The following STARD13 variants were observed in gnomAD, a reference collection of about 807,000 sequenced individuals.
STARD13 encodes the protein stAR-related lipid transfer protein 13.
STARD13 carries 62 observed loss-of-function variants against 106.4 expected under a neutral mutation model. That is an observed-to-expected ratio of 0.58 (90% CI 0.48 to 0.72). The LOEUF is 0.72. STARD13 is among the 30% of genes least tolerant of loss of function. The probability of loss-of-function intolerance (pLI) is 0.00; values close to 1 mark genes in which losing one functional copy is unlikely to be tolerated. For missense variants in STARD13, 1,387 were observed against 1,424.0 expected, an observed-to-expected ratio of 0.97 and a Z score of 0.42; for synonymous variants, 565 against 553.0, an observed-to-expected ratio of 1.02 and a Z score of -0.31.
intron 3 of STARD13, among the ~76,000 whole-genome samples, chr13:33,155,865 A>T (rs376121349): frequency 1.7e-4 from 26 of 152,196 alleles, no homozygotes; most frequent in South Asian, 6.2e-4. Context: ...CCCACTTCCT[A>T]GTGGAAAGGA....
chr13:33,412,066 T>C, the STARD13 span, among the ~76,000 whole-genome samples: 2 of 152,348 alleles, frequency 1.3e-5, no homozygotes, highest in East Asian at 3.9e-4. Flanking sequence ...ATTCTCCTCT[T>C]GTGTCTTCCA....
At chr13:33,543,963 C>T in the STARD13 span, among the ~76,000 whole-genome samples, 1 of 152,170 alleles carries the variant, frequency 6.6e-6, no homozygotes, top group South Asian at 2.1e-4. Context: ...GTAAACTAAA[C>T]CCTAGAACCA....
At chr13:33,414,694 T>C in the STARD13 span, among the ~76,000 whole-genome samples, 1 of 152,154 alleles carries the variant, frequency 6.6e-6, no homozygotes, top group Non-Finnish European at 1.5e-5. Context: ...AGGAGGATCC[T>C]TGTGGTGATG....
the STARD13 span, among the ~76,000 whole-genome samples, chr13:33,479,026 A>G: frequency 6.6e-6 from 1 of 152,210 alleles, no homozygotes; most frequent in African/African-American, 2.4e-5. Flanking sequence ...AGATTTTATA[A>G]GTAGGGAAAA....
chr13:33,600,862 A>G, the STARD13 span, among the ~76,000 whole-genome samples: 1 of 152,190 alleles, frequency 6.6e-6, no homozygotes, highest in Non-Finnish European at 1.5e-5. Context: ...CTCATTTTAA[A>G]GAAGAATAAA....
intron 3 of STARD13, among the ~76,000 whole-genome samples, chr13:33,153,896 CG>C (rs1881618933): frequency 6.6e-6 from 1 of 152,142 alleles, no homozygotes; most frequent in Admixed American, 6.5e-5. Context: ...GGGAGTGTTC[CG>C]GGTGGGGCCC....
In STARD13 at chr13:33,111,849, C is replaced by T; in HGVS notation, c.2536G>A (p.Asp846Asn). 1 of 1,614,094 alleles carries T rather than the reference C, an allele frequency of 6.2e-7. No individual in the cohort carries two copies. The highest frequency in any genetic ancestry group is 8.5e-7 in the Non-Finnish European group (1 of 1,179,948). Residue 846 changes from aspartate to asparagine, a missense_variant, in exon 10 of 14, where the codon GAC (aspartate) becomes AAC (asparagine). By Grantham distance (23) the Asp-to-Asn change is conservative (BLOSUM62 1). Transcript: ENST00000336934. ...KYATGKPDQK[D>N]LNENLAAAQG... Reference sequence around the variant, plus strand: ...GCTGCTGCCAGATTCTCGTTGAGGTCCTTTTGATCTGGCTTCCCAGTGGCA... The same window carrying T: ...GCTGCTGCCAGATTCTCGTTGAGGTTCTTTTGATCTGGCTTCCCAGTGGCA...
At chr13:33,138,318 G>A (rs1879323326) in intron 4 of STARD13, 1 of 151,384 alleles carries the variant, frequency 6.6e-6, no homozygotes, top group Non-Finnish European at 1.5e-5. Flanking sequence ...CGCGAATTTT[G>A]TAGGTAATAA....
the STARD13 span, among the ~76,000 whole-genome samples, chr13:33,592,355 T>TA: frequency 1.3e-5 from 2 of 152,314 alleles, no homozygotes; most frequent in Admixed American, 6.5e-5. Context: ...GTTTTAGCCA[T>TA]AAAAAATAGG....
At chr13:33,594,587 C>T in the STARD13 span, among the ~76,000 whole-genome samples, 5,574 of 152,070 alleles carry the variant, frequency 0.037, 265 homozygotes, top group African/African-American at 0.1. Context: ...AGTTCATTAA[C>T]GTTGTTGTGC....
chr13:33,166,494 C>A (rs917997218), intron 2 of STARD13, among the ~76,000 whole-genome samples: 1 of 152,130 alleles, frequency 6.6e-6, no homozygotes, highest in African/African-American at 2.4e-5. Flanking sequence ...CACCGTTCCT[C>A]GTGGCCACCC....
intron 1 of STARD13, among the ~76,000 whole-genome samples, chr13:33,204,052 G>A (rs963661759): frequency 6.6e-6 from 1 of 152,206 alleles, no homozygotes; most frequent in African/African-American, 2.4e-5. Flanking sequence ...GGTAGTATCT[G>A]AAATCCAAGG....
the STARD13 span, among the ~76,000 whole-genome samples, chr13:33,385,218 A>AATAT: frequency 0.25 from 8,093 of 33,016 alleles, 1,671 homozygotes; most frequent in Non-Finnish European, 0.35. Context: ...AAAGGTTCGG[A>AATAT]ATATATATAT....
the STARD13 span, among the ~76,000 whole-genome samples, chr13:33,512,427 G>A: frequency 1.8e-4 from 27 of 152,036 alleles, no homozygotes; most frequent in Non-Finnish European, 3.1e-4. Context: ...AGTCCTTAGA[G>A]CAAAGACAGG....
At chr13:33,412,996 A>G in the STARD13 span, among the ~76,000 whole-genome samples, 3 of 152,234 alleles carry the variant, frequency 2.0e-5, no homozygotes, top group African/African-American at 7.2e-5. Context: ...CAACCACAGC[A>G]GAATAGACCT....
the STARD13 span, among the ~76,000 whole-genome samples, chr13:33,374,712 G>A: frequency 6.6e-6 from 1 of 152,062 alleles, no homozygotes; most frequent in African/African-American, 2.4e-5. Flanking sequence ...GTGGGGGCAG[G>A]TATCCTACAA....
chr13:33,127,034 G>A (rs1402158932), intron 6 of STARD13, among the ~76,000 whole-genome samples: 2 of 152,244 alleles, frequency 1.3e-5, no homozygotes, highest in East Asian at 3.8e-4. Flanking sequence ...GAAGGTACAA[G>A]TGACAGCTGT....
chr13:33,600,532 T>C, the STARD13 span, among the ~76,000 whole-genome samples: 1 of 152,190 alleles, frequency 6.6e-6, no homozygotes, highest in Non-Finnish European at 1.5e-5. Flanking sequence ...CATACATACA[T>C]ATACATAGAA....
the STARD13 span, among the ~76,000 whole-genome samples, chr13:33,421,720 A>G: frequency 6.6e-6 from 1 of 152,342 alleles, no homozygotes; most frequent in South Asian, 2.1e-4. Flanking sequence ...AACCGAATCC[A>G]GCAACACATC....
Sources: gnomAD v4.1 joint callset for allele counts (sites outside exome capture counted in the v4.1 genomes callset) on GRCh38, gnomAD v4.1.1 for gene constraint, MANE v1.5 for transcripts, NCBI Gene and HGNC (gene_info 2026-07-23, HGNC 2026-07-21) for gene names.